DMAC2L: variants seen among roughly 807,000 people sequenced by gnomAD.
DMAC2L encodes the protein ATP synthase subunit s, mitochondrial.
A neutral mutation model predicts 22.5 loss-of-function variants in DMAC2L; 21 were observed. The ratio of observed to expected loss-of-function variants is 0.93; its 90% confidence interval spans 0.66 to 1.34. The LOEUF (loss-of-function observed/expected upper bound fraction) is 1.34, where lower values mean the gene tolerates loss of function less well. Among genes scored for constraint, DMAC2L ranks in the 40% most tolerant of loss-of-function variants. DMAC2L has a pLI of 0.00. For synonymous variants in DMAC2L, 86 were observed against 89.5 expected (o/e 0.96, Z 0.22); for missense variants, 239 against 246.5 (o/e 0.97, Z 0.20).
intron 1 of DMAC2L, chr14:50,313,059 A>G: frequency 2.5e-6 from 4 of 1,611,448 alleles, no homozygotes; most frequent in South Asian, 2.2e-5. Flanking sequence ...TCACCTGTGC[A>G]GGTCACTTCA....
intron 2 of DMAC2L, chr14:50,319,413 T>C (rs1464968680): frequency 1.4e-6 from 2 of 1,442,218 alleles, no homozygotes; most frequent in African/African-American, 1.4e-5. Context: ...CTAGTCCTCT[T>C]CTTTCTCTTG....
chr14:50,322,429 C>T, intron 3 of DMAC2L, 82 bp from the exon 4 acceptor site: 1 of 1,367,084 alleles, frequency 7.3e-7, no homozygotes. Flanking sequence ...TTGTTGCGTT[C>T]TGTATTATTT....
Position 50,322,733 on chromosome 14 carries a change from C to T in DMAC2L, c.316+14C>T, listed in dbSNP as rs771745429. 2.1e-5 allele frequency: 34 copies of T among 1,613,880 alleles called. 1 individual carries two copies. Among genetic ancestry groups the T allele is most frequent in the South Asian group, 1.5e-4 (14 of 91,070 alleles). The stretch of plus-strand genomic sequence containing the variant: ...TTGATCACATGGGTAACTACCCTAT[C>T]GTTTTGCTAATAGAAAATGCAGATG... On this transcript the variant is annotated intron_variant, in intron 4 of 5. Coordinates refer to ENST00000557421, the MANE Select transcript of DMAC2L (RefSeq NM_001382507.1).
intron 4 of DMAC2L, among the ~76,000 whole-genome samples, chr14:50,323,186 C>T (rs184463773): frequency 2.1e-4 from 32 of 150,202 alleles, no homozygotes; most frequent in African/African-American, 3.4e-4. Flanking sequence ...CCCAGGTTCA[C>T]GCCATTCTCC....
chr14:50,325,039 G>A (rs893777864), intron 5 of DMAC2L, among the ~76,000 whole-genome samples: 4 of 152,238 alleles, frequency 2.6e-5, no homozygotes, highest in African/African-American at 9.6e-5. Context: ...CTCCCAAAGT[G>A]CTGGGATTAC....
chr14:50,315,156 C>T (rs1190465010), intron 2 of DMAC2L, among the ~76,000 whole-genome samples: 4 of 151,364 alleles, frequency 2.6e-5, no homozygotes, highest in Non-Finnish European at 4.4e-5. Flanking sequence ...TTAGTAGAGA[C>T]AGGGTTTCAC....
At chr14:50,320,197 G>C (rs1399537176) in intron 2 of DMAC2L, among the ~76,000 whole-genome samples, 1 of 152,184 alleles carries the variant, frequency 6.6e-6, no homozygotes, top group African/African-American at 2.4e-5. Context: ...GGGTTCAAGC[G>C]ATTCTCCTGC....
At position 50,322,584 on chromosome 14, in the gene DMAC2L, A is replaced by G. The variant is rs2032369190; in HGVS notation, c.181A>G (p.Met61Val). The G allele has an allele frequency of 1.9e-6, 3 of 1,614,018 alleles. No individual in the cohort carries two copies. The highest frequency in any genetic ancestry group is 1.6e-4 in the Middle Eastern group (1 of 6,082). Residue 61 changes from methionine to valine, a missense_variant, in exon 4 of 6, where the codon ATG (methionine) becomes GTG (valine). Transcript: ENST00000557421. ...CGAGTGGTTGCTGCGCTGTGGGGCCATGGTGCGCTACCATGGCCAGGAGAG... is the reference window on the plus strand; with the variant it reads ...CGAGTGGTTGCTGCGCTGTGGGGCCGTGGTGCGCTACCATGGCCAGGAGAG... The part of the protein sequence containing the change: ...ASEWLLRCGA[M>V]VRYHGQERWQ...
chr14:50,325,909 T>C lies in DMAC2L; in HGVS notation c.*186T>C. 1.6e-6 allele frequency: 2 copies of C among 1,237,978 alleles called. No individual in the cohort carries two copies. The highest frequency in any genetic ancestry group is 2.0e-6 in the Non-Finnish European group (2 of 984,864). The allele number at this position is 1,237,978 out of a possible 1,614,324, so 76.7% of individuals were successfully genotyped here. ...CTCATTAATGTTACTAAGTTGGAAG[T>C]GAGAATTTATGAACATTAATTCATT... On this transcript the variant is annotated 3_prime_UTR_variant, in exon 6 of 6. Transcript: ENST00000557421.
At chr14:50,313,676 A>C (rs369406591) in intron 1 of DMAC2L, among the ~76,000 whole-genome samples, 5 of 152,188 alleles carry the variant, frequency 3.3e-5, no homozygotes, top group Admixed American at 2.6e-4. Flanking sequence ...ATCTTGCAAA[A>C]CTAGTACCAT....
At chr14:50,324,276 G>T in intron 5 of DMAC2L, 160 bp downstream of exon 5, 1 of 691,152 alleles carries the variant, frequency 1.4e-6, no homozygotes, top group Non-Finnish European at 2.2e-6. Flanking sequence ...CAGCTAAAAT[G>T]ATCAACCTTA....
chr14:50,312,839 C>T, intron 1 of DMAC2L: 1 of 646,568 alleles, frequency 1.5e-6, no homozygotes, highest in Non-Finnish European at 2.7e-6. Flanking sequence ...GTCTTCTGGA[C>T]TTCTTTTATG....
At position 50,326,612 on chromosome 14, in the gene DMAC2L, T is replaced by C. The variant is rs935423541; in HGVS notation, c.*889T>C. The C allele has an allele frequency of 1.0e-6, 1 of 985,368 alleles. No individual in the cohort carries two copies. Among genetic ancestry groups the C allele is most frequent in the African/African-American group, 1.7e-5 (1 of 57,262 alleles). 61.0% of individuals were successfully genotyped at this position (985,368 alleles called of 1,614,324 possible). On this transcript the variant is annotated 3_prime_UTR_variant, in exon 6 of 6. Coordinates refer to ENST00000557421, the MANE Select transcript of DMAC2L (RefSeq NM_001382507.1). ...AACAGTTGCTGCTTAATTTGTCTATTTTGTAAGCTTAGGCTACTATTTTAT... is the reference window on the plus strand; with the variant it reads ...AACAGTTGCTGCTTAATTTGTCTATCTTGTAAGCTTAGGCTACTATTTTAT...
intron 5 of DMAC2L, 21 bp from the exon 6 acceptor site, chr14:50,325,588 G>T: frequency 1.3e-6 from 2 of 1,583,946 alleles, no homozygotes; most frequent in South Asian, 2.3e-5. Context: ...AAATTGAAGT[G>T]ACTTTTTTCT....
At chr14:50,320,456 A>G (rs2032175406) in intron 2 of DMAC2L, among the ~76,000 whole-genome samples, 1 of 152,060 alleles carries the variant, frequency 6.6e-6, no homozygotes, top group South Asian at 2.1e-4. Context: ...CATGCAAAAC[A>G]CTTCACGACC....
intron 1 of DMAC2L, chr14:50,312,709 C>A: frequency 2.6e-6 from 1 of 378,402 alleles, no homozygotes; most frequent in Admixed American, 4.5e-5. Flanking sequence ...GCCTGGGCAC[C>A]CACCGTCTCC....
chr14:50,320,153 G>A (rs2032146659), intron 2 of DMAC2L, among the ~76,000 whole-genome samples: 1 of 152,144 alleles, frequency 6.6e-6, no homozygotes, highest in African/African-American at 2.4e-5. Context: ...GTGCAGTCTG[G>A]TACAATCTCA....
chr14:50,326,844 C>T lies in DMAC2L; in HGVS notation c.*1121C>T. ...TCACTTGAGACCAGGAGTTTGAGAC[C>T]AATTTGGGCAACACAGTGAGACCCC... is the stretch of plus-strand genomic sequence containing the variant. On this transcript the variant is annotated 3_prime_UTR_variant, in exon 6 of 6. Coordinates refer to ENST00000557421, the MANE Select transcript of DMAC2L (RefSeq NM_001382507.1). The T allele has an allele frequency of 1.3e-6, 1 of 793,844 alleles. No individual in the cohort carries two copies. 49.2% of individuals were successfully genotyped at this position (793,844 alleles called of 1,614,324 possible).
chr14:50,313,037 CTG>C (rs1381735229), intron 1 of DMAC2L: 4 of 1,613,948 alleles, frequency 2.5e-6, no homozygotes, highest in Non-Finnish European at 3.4e-6. Flanking sequence ...TGTGCGGTCT[CTG>C]AGCAGCGACT....
Sources: gnomAD v4.1 joint callset for allele counts (sites outside exome capture counted in the v4.1 genomes callset) on GRCh38, gnomAD v4.1.1 for gene constraint, MANE v1.5 for transcripts, NCBI Gene and HGNC (gene_info 2026-07-23, HGNC 2026-07-21) for gene names.